Variants in USP34 observed in about 807,000 individuals in gnomAD.
USP34 encodes ubiquitin carboxyl-terminal hydrolase 34.
USP34 carries 70 observed loss-of-function variants against 460.3 expected under a neutral mutation model. The ratio of observed to expected loss-of-function variants is 0.15; its 90% CI spans 0.13 to 0.19. The LOEUF is 0.19. Among genes scored for constraint, USP34 ranks in the 10% least tolerant of loss-of-function variants. The pLI is 1.00. For synonymous variants in USP34, 1,647 were observed against 1,405.3 expected (o/e 1.17, Z -3.85); for missense variants, 3,985 against 4,236.2 (o/e 0.94, Z 1.65).
intron 18 of USP34, among the ~76,000 whole-genome samples, chr2:61,336,289 C>A (rs1463944835): frequency 6.6e-6 from 1 of 151,782 alleles, no homozygotes; most frequent in African/African-American, 2.4e-5. Flanking sequence ...CCATGCCCAG[C>A]TAATTTTAAA....
intron 21 of USP34, among the ~76,000 whole-genome samples, chr2:61,322,001 G>A (rs1690937946): frequency 1.3e-5 from 2 of 152,146 alleles, no homozygotes; most frequent in Admixed American, 6.5e-5. Context: ...GGCCGAGGTG[G>A]GTGGATCACC....
chr2:61,267,824 G>C (rs1231919419), intron 41 of USP34, among the ~76,000 whole-genome samples: 1 of 152,102 alleles, frequency 6.6e-6, no homozygotes, highest in Non-Finnish European at 1.5e-5. Context: ...CACTGTGTTA[G>C]CCAGGATGGT....
intron 33 of USP34, among the ~76,000 whole-genome samples, chr2:61,292,121 T>C (rs539232280): frequency 9.2e-5 from 14 of 152,250 alleles, no homozygotes; most frequent in Admixed American, 6.5e-4. Flanking sequence ...ATGCTGGTCA[T>C]AGTCCCACAA....
intron 18 of USP34, among the ~76,000 whole-genome samples, chr2:61,334,683 G>A (rs186205226): frequency 2.3e-4 from 35 of 152,256 alleles, no homozygotes; most frequent in East Asian, 1.9e-4. Flanking sequence ...CAATGTGGAA[G>A]CAAGTATATG....
At chr2:61,245,342 A>C (rs982113815) in intron 50 of USP34, 54 bp from the exon 51 acceptor site, 1 of 1,034,010 alleles carries the variant, frequency 9.7e-7, no homozygotes, top group Non-Finnish European at 1.4e-6. Context: ...GTATCTTCAT[A>C]TTATGTCTAC....
At chr2:61,255,123 T>C (rs1028495199) in intron 48 of USP34, among the ~76,000 whole-genome samples, 2 of 152,210 alleles carry the variant, frequency 1.3e-5, no homozygotes, top group African/African-American at 4.8e-5. Flanking sequence ...ACCCACTGTA[T>C]GTGTAAGGCA....
At chr2:61,238,013 A>G (rs1266355820) in intron 53 of USP34, among the ~76,000 whole-genome samples, 1 of 151,768 alleles carries the variant, frequency 6.6e-6, no homozygotes, top group Non-Finnish European at 1.5e-5. Context: ...CTCTTGCCTC[A>G]GCCTCCCAAG....
In USP34 at chr2:61,257,339, G is replaced by C. The variant is rs1308282037; in HGVS notation, c.5856C>G (p.Cys1952Trp). 9 of 1,591,484 alleles carry C rather than the reference G, an allele frequency of 5.7e-6. No homozygotes were observed. Among genetic ancestry groups the C allele is most frequent in the Non-Finnish European group, 7.7e-6 (9 of 1,170,780 alleles). The part of the protein sequence containing the change: ...KMFTYLMESE[C>W]KAYNPRPFCK... ...AGAAAGGTCTAGGATTATATGCTTT[G>C]CATTCACTCTCCTGCAAATAAAAAG... The change falls in exon 45 of 80, where the codon TGC (cysteine) becomes TGG (tryptophan). Residue 1952 changes from cysteine (C) to tryptophan (W), a missense_variant. This residue lies in a region of USP34 where 145 missense variants were observed against 291.6 expected (regional missense o/e 0.50). Coordinates refer to ENST00000398571, the MANE Select transcript of USP34 (RefSeq NM_014709.4).
intron 12 of USP34, 71 bp from the exon 13 acceptor site, chr2:61,349,356 T>G (rs1558543073): frequency 1.3e-6 from 2 of 1,489,046 alleles, no homozygotes; most frequent in East Asian, 4.6e-5. Context: ...GCGTATCAGT[T>G]GTTCATATTA....
At chr2:61,376,717 C>T (rs1268970381) in intron 8 of USP34, among the ~76,000 whole-genome samples, 1 of 141,694 alleles carries the variant, frequency 7.1e-6, no homozygotes, top group Non-Finnish European at 1.6e-5. Context: ...GGCACCATCT[C>T]GGGTCACTGC....
intron 23 of USP34, among the ~76,000 whole-genome samples, chr2:61,315,543 T>G (rs1297943747): frequency 6.6e-6 from 1 of 152,088 alleles, no homozygotes; most frequent in Non-Finnish European, 1.5e-5. Context: ...CTGGCTAATT[T>G]TTTTGTATTT....
At chr2:61,416,733 C>G (rs1694205434) in intron 2 of USP34, among the ~76,000 whole-genome samples, 1 of 149,496 alleles carries the variant, frequency 6.7e-6, no homozygotes, top group South Asian at 2.1e-4. Context: ...AGTTTTCCTC[C>G]TATTCTATTC....
At chr2:61,256,686 T>C (rs1688732484) in intron 47 of USP34, among the ~76,000 whole-genome samples, 187 bp downstream of exon 47, 1 of 152,102 alleles carries the variant, frequency 6.6e-6, no homozygotes, top group Non-Finnish European at 1.5e-5. Context: ...TAATTAAAAA[T>C]TTAAATTTTG....
intron 61 of USP34, among the ~76,000 whole-genome samples, chr2:61,227,741 A>AAC (rs1687771824): frequency 6.6e-6 from 1 of 151,910 alleles, no homozygotes. Context: ...ACAAACAAAA[A>AAC]AAAAACAAAA....
At chr2:61,291,826 T>C (rs1409819969) in intron 33 of USP34, among the ~76,000 whole-genome samples, 1 of 152,190 alleles carries the variant, frequency 6.6e-6, no homozygotes, top group Non-Finnish European at 1.5e-5. Context: ...AGTCACAGTG[T>C]AGAAATAACC....
Position 61,264,090 on chromosome 2 carries a change from C to T in USP34, c.5778+1307G>A, listed in dbSNP as rs139042909. Among the ~76,000 whole-genome samples, 1,432 of 152,176 alleles carry T rather than the reference C, an allele frequency of 9.4e-3. 18 individuals are homozygous for T. Among genetic ancestry groups the T allele is most frequent in the Non-Finnish European group, 0.011 (747 of 68,006 alleles). On this transcript the variant is annotated intron_variant, in intron 43 of 79. Transcript: ENST00000398571. ...TTTGATAACTGCTTTTATAAGACTACGCAGATGGGTATACCAAATTTATTC... is the reference window on the plus strand; with the variant it reads ...TTTGATAACTGCTTTTATAAGACTATGCAGATGGGTATACCAAATTTATTC...
chr2:61,283,408 C>T lies in USP34; in HGVS notation c.4873+1G>A. On this transcript the variant is annotated splice_donor_variant, in intron 36 of 79. Coordinates refer to ENST00000398571, the MANE Select transcript of USP34 (RefSeq NM_014709.4). LOFTEE classifies it high-confidence loss of function. Reference sequence around the variant, plus strand: ...AAAAGTTAACTTTGTGGAACCCTTACCTTCATGTCTAGACCTGTGATCAGA... The same window carrying T: ...AAAAGTTAACTTTGTGGAACCCTTATCTTCATGTCTAGACCTGTGATCAGA... The T allele has an allele frequency of 6.2e-7, 1 of 1,603,678 alleles. No homozygotes were observed.
intron 15 of USP34, 55 bp downstream of exon 15, chr2:61,347,815 A>T (rs1691817855): frequency 6.3e-7 from 1 of 1,582,488 alleles, no homozygotes; most frequent in South Asian, 1.2e-5. Flanking sequence ...AATATAGGAT[A>T]TAATACTTCC....
chr2:61,397,541 G>C (rs111250511), intron 3 of USP34, among the ~76,000 whole-genome samples: 2,021 of 152,004 alleles, frequency 0.013, 15 homozygotes, highest in Non-Finnish European at 0.022. Context: ...CAAGGCCGGC[G>C]AATCACTTGA....
Sources: gnomAD v4.1 joint callset for allele counts (sites outside exome capture counted in the v4.1 genomes callset) on GRCh38, gnomAD v4.1.1 for gene constraint, gnomAD v4.1.1 regional missense constraint, MANE v1.5 for transcripts, NCBI Gene and HGNC (gene_info 2026-07-23, HGNC 2026-07-21) for gene names.